The following ACYP2 variants were observed in gnomAD, a reference collection of about 807,000 sequenced individuals.
The protein encoded by ACYP2 is acylphosphatase 2.
A neutral mutation model predicts 11.2 loss-of-function variants in ACYP2; 12 were observed. The ratio of observed to expected loss-of-function variants is 1.08; its 90% CI spans 0.69 to 1.74. ACYP2 has a LOEUF of 1.74. ACYP2 is among the 40% of genes most tolerant of loss of function. The pLI, the probability that ACYP2 is intolerant of heterozygous loss-of-function variation, is 0.00. For synonymous variants in ACYP2, 43 were observed against 32.2 expected (o/e 1.33, Z -1.13); for missense variants, 134 against 101.9 (o/e 1.31, Z -1.35).
chr2:54,052,536 A>G (rs762187364), intron 3 of ACYP2, among the ~76,000 whole-genome samples: 2 of 152,178 alleles, frequency 1.3e-5, no homozygotes, highest in Admixed American at 6.5e-5. Flanking sequence ...ATAAGAAACA[A>G]TTGCTCTGTT....
chr2:54,195,708 A>T (rs903127653), intron 6 of ACYP2, among the ~76,000 whole-genome samples: 2 of 145,984 alleles, frequency 1.4e-5, no homozygotes, highest in Non-Finnish European at 3.0e-5. Context: ...AGGAGCTGTT[A>T]TTCAGTGACA....
intron 4 of ACYP2, among the ~76,000 whole-genome samples, chr2:54,065,072 A>G (rs1676670881): frequency 6.6e-6 from 1 of 150,518 alleles, no homozygotes. Flanking sequence ...TGACAGAGTG[A>G]GACTCCATCT....
intron 2 of ACYP2, among the ~76,000 whole-genome samples, chr2:54,047,656 A>G (rs187151114): frequency 1.3e-5 from 2 of 152,340 alleles, no homozygotes; most frequent in Admixed American, 6.5e-5. Context: ...TTCCTTTTTG[A>G]CTGAATACCC....
rs568382562 is a variant in ACYP2, at chr2:54,247,972, C to T, written c.405-56716C>T. Among the ~76,000 whole-genome samples, 4 of 152,360 alleles carry T rather than the reference C, an allele frequency of 2.6e-5. No individual in the cohort carries two copies. The South Asian group carries it at 8.3e-4, about 32-fold the overall frequency. On this transcript the variant is annotated intron_variant, in intron 6 of 6. Coordinates refer to ENST00000607452, the MANE Select transcript of ACYP2 (RefSeq NM_001320586.2). ...AGAAAATGCACACAAAGTGCTTAGC[C>T]AGTGGCTACCATGCCCTAAGACTTT...
At chr2:54,093,528 T>G (rs896146734) in intron 4 of ACYP2, among the ~76,000 whole-genome samples, 2 of 152,350 alleles carry the variant, frequency 1.3e-5, no homozygotes, top group African/African-American at 4.8e-5. Flanking sequence ...GTAATAATGT[T>G]TGATTCAGAG....
At chr2:53,996,993 C>G (rs970608128) in intron 2 of ACYP2, among the ~76,000 whole-genome samples, 8 of 152,282 alleles carry the variant, frequency 5.3e-5, no homozygotes, top group African/African-American at 1.4e-4. Context: ...ACACGACTAG[C>G]CCCAATCTAC....
chr2:54,259,922 G>A (rs1349747320), intron 6 of ACYP2, among the ~76,000 whole-genome samples: 1 of 152,210 alleles, frequency 6.6e-6, no homozygotes, highest in Non-Finnish European at 1.5e-5. Flanking sequence ...AGCTGGTGGG[G>A]AAATGGATCA....
intron 6 of ACYP2, among the ~76,000 whole-genome samples, chr2:54,245,169 T>C (rs1054430767): frequency 3.3e-5 from 5 of 152,196 alleles, no homozygotes; most frequent in Non-Finnish European, 7.3e-5. Context: ...TCACTTAACA[T>C]AATGTTCTTC....
At chr2:54,177,596 G>C (rs1197457468) in intron 6 of ACYP2, among the ~76,000 whole-genome samples, 1 of 116,738 alleles carries the variant, frequency 8.6e-6, no homozygotes, top group Non-Finnish European at 1.6e-5. Context: ...TTTTTTTCTG[G>C]AAACGGAGTC....
intron 6 of ACYP2, among the ~76,000 whole-genome samples, chr2:54,148,538 G>A (rs1159802776): frequency 1.3e-5 from 2 of 152,124 alleles, no homozygotes; most frequent in African/African-American, 4.8e-5. Flanking sequence ...GTGGCAGTTG[G>A]AATGATCAGG....
At chr2:53,976,453 C>T (rs1420145899) in intron 2 of ACYP2, among the ~76,000 whole-genome samples, 7 of 152,140 alleles carry the variant, frequency 4.6e-5, no homozygotes, top group Non-Finnish European at 1.0e-4. Flanking sequence ...GCAATCTGCC[C>T]GCCTCAGCCT....
chr2:54,031,876 G>A (rs1674603829), intron 2 of ACYP2, among the ~76,000 whole-genome samples: 1 of 152,200 alleles, frequency 6.6e-6, no homozygotes, highest in Admixed American at 6.5e-5. Flanking sequence ...CTGATGGCCA[G>A]TGACGATGAG....
At chr2:53,997,466 C>T (rs1188916747) in intron 2 of ACYP2, among the ~76,000 whole-genome samples, 8 of 151,988 alleles carry the variant, frequency 5.3e-5, no homozygotes, top group African/African-American at 7.3e-5. Context: ...CCACCAAGCC[C>T]GGCTAATTTT....
chr2:54,046,782 A>G (rs1230972475), intron 2 of ACYP2, among the ~76,000 whole-genome samples: 1 of 152,110 alleles, frequency 6.6e-6, no homozygotes, highest in Non-Finnish European at 1.5e-5. Flanking sequence ...ATTATTAATA[A>G]TTTTTGAATA....
chr2:54,029,995 C>T (rs746898332), intron 2 of ACYP2: 3 of 241,302 alleles, frequency 1.2e-5, no homozygotes, highest in Non-Finnish European at 1.6e-5. Flanking sequence ...CGAGATAATT[C>T]CACCAGACCA....
chr2:54,089,229 A>G (rs547670332), intron 4 of ACYP2, among the ~76,000 whole-genome samples: 1 of 152,312 alleles, frequency 6.6e-6, no homozygotes, highest in South Asian at 2.1e-4. Context: ...TAAGCAGTCA[A>G]TGAACCTTGA....
intron 2 of ACYP2, among the ~76,000 whole-genome samples, chr2:54,034,275 T>C (rs1056603188): frequency 3.3e-5 from 5 of 152,268 alleles, no homozygotes; most frequent in African/African-American, 1.2e-4. Flanking sequence ...GGAGAATTGC[T>C]TGAACTCAGG....
In ACYP2 at chr2:54,249,553, G is replaced by C. The variant is rs1027005932; in HGVS notation, c.405-55135G>C. Reference sequence around the variant, plus strand: ...TCACTCAGAAAGCGTTTAAAGAAAAGCCAGAGGGAGGTCACAGAACCTTGT... The same window carrying C: ...TCACTCAGAAAGCGTTTAAAGAAAACCCAGAGGGAGGTCACAGAACCTTGT... On this transcript the variant is annotated intron_variant, in intron 6 of 6. Transcript: ENST00000607452. Among the ~76,000 whole-genome samples, 36 of 152,196 alleles carry C rather than the reference G, an allele frequency of 2.4e-4. 1 individual carries two copies. The highest frequency in any genetic ancestry group is 7.5e-4 in the African/African-American group (31 of 41,542).
chr2:53,973,899 G>A (rs868069813), intron 2 of ACYP2: 35,180 of 81,790 alleles, frequency 0.43, 6,341 homozygotes, highest in South Asian at 0.57. Context: ...GTGTGTGTGT[G>A]TGTATATATT....
Sources: gnomAD v4.1 joint callset for allele counts (sites outside exome capture counted in the v4.1 genomes callset) on GRCh38, gnomAD v4.1.1 for gene constraint, MANE v1.5 for transcripts, NCBI Gene and HGNC (gene_info 2026-07-23, HGNC 2026-07-21) for gene names.